Variants in PTPRZ1 observed in about 807,000 individuals in gnomAD.
The protein encoded by PTPRZ1 is receptor-type tyrosine-protein phosphatase zeta.
A neutral mutation model predicts 214.1 loss-of-function variants in PTPRZ1; 82 were observed. That is an observed-to-expected ratio of 0.38 (90% confidence interval 0.32 to 0.46). The LOEUF is 0.46. Among genes scored for constraint, PTPRZ1 ranks in the 20% least tolerant of loss-of-function variants. The pLI, the probability that PTPRZ1 is intolerant of heterozygous loss-of-function variation, is 1.00. For missense variants in PTPRZ1, 2,603 were observed against 2,748.7 expected, an observed-to-expected ratio of 0.95 and a Z score of 1.19; for synonymous variants, 945 against 987.9, an observed-to-expected ratio of 0.96 and a Z score of 0.81.
Position 122,031,529 on chromosome 7 carries a change from T to A in PTPRZ1, c.5136T>A (p.His1712Gln), listed in dbSNP as rs1295257545. 1.9e-6 allele frequency: 3 copies of A among 1,610,402 alleles called. No homozygotes were observed. The highest frequency in any genetic ancestry group is 1.3e-5 in the African/African-American group (1 of 74,840). ...TTCCAAAGCATGTTGCAGATTTACA[T>A]GCAAGTAGTGGGTTTACTGAAGAAT... ...KHFPKHVADL[H>Q]ASSGFTEEFE... Residue 1712 changes from histidine (H) to glutamine (Q), a missense_variant, in exon 15 of 30, where the codon CAT (histidine) becomes CAA (glutamine). His to Gln is a conservative substitution (Grantham distance 24). Around this residue, in one of 6 missense-constraint regions of PTPRZ1, gnomAD observed 1,913 missense variants for 1,914.3 expected, o/e 1.00. Coordinates refer to ENST00000393386, the MANE Select transcript of PTPRZ1 (RefSeq NM_002851.3).
intron 1 of PTPRZ1, among the ~76,000 whole-genome samples, chr7:121,924,407 G>T (rs1795694467): frequency 6.6e-6 from 1 of 152,002 alleles, no homozygotes; most frequent in African/African-American, 2.4e-5. Context: ...TTAAAGTGGG[G>T]TACTCTCTCA....
intron 23 of PTPRZ1, 75 bp from the exon 24 acceptor site, chr7:122,051,353 G>A (rs1792176862): frequency 1.1e-6 from 1 of 940,624 alleles, no homozygotes; most frequent in Non-Finnish European, 1.7e-6. Context: ...GTGTGTGTCT[G>A]TATGTATGTG....
intron 1 of PTPRZ1, among the ~76,000 whole-genome samples, chr7:121,917,123 C>A (rs1452378347): frequency 1.3e-5 from 2 of 152,014 alleles, no homozygotes; most frequent in Non-Finnish European, 2.9e-5. Context: ...CTGTACAATA[C>A]AAGGAAATAA....
chr7:121,955,619 CT>C (rs1358956204), intron 2 of PTPRZ1, among the ~76,000 whole-genome samples: 5 of 152,174 alleles, frequency 3.3e-5, no homozygotes, highest in African/African-American at 1.2e-4. Context: ...ACAGCAAGAG[CT>C]ACAGAAAAGT....
chr7:121,916,272 C>CAAAAA (rs59701928), intron 1 of PTPRZ1, among the ~76,000 whole-genome samples: 1 of 109,720 alleles, frequency 9.1e-6, no homozygotes, highest in African/African-American at 3.3e-5. Flanking sequence ...GACTCCATCT[C>CAAAAA]AAAAAAAAAA....
At position 122,012,068 on chromosome 7, in the gene PTPRZ1, C is replaced by A; in HGVS notation, c.3022C>A (p.Pro1008Thr). 6.2e-7 allele frequency: 1 copy of A among 1,614,210 alleles called. No individual in the cohort carries two copies. The highest frequency in any genetic ancestry group is 8.5e-7 in the Non-Finnish European group (1 of 1,180,026). ...GASSDSEFLLPDTDGLTALNI... is the reference protein window; with the variant it reads ...GASSDSEFLLTDTDGLTALNI... ...CTCTTCTGATAGTGAATTTCTTTTA[C>A]CTGACACAGATGGGCTGACAGCCCT... Residue 1008 changes from proline (P) to threonine (T), a missense_variant, in exon 12 of 30, where the codon CCT (proline) becomes ACT (threonine). By Grantham distance (38) the Pro-to-Thr change is conservative. Transcript: ENST00000393386.
intron 1 of PTPRZ1, among the ~76,000 whole-genome samples, chr7:121,926,791 T>C (rs1401410910): frequency 6.6e-6 from 1 of 152,206 alleles, no homozygotes; most frequent in Non-Finnish European, 1.5e-5. Flanking sequence ...GGATGAATTG[T>C]GTGATACGTA....
At chr7:121,908,369 G>T in intron 1 of PTPRZ1, 3 of 245,968 alleles carry the variant, frequency 1.2e-5, no homozygotes, top group Middle Eastern at 1.1e-3. Context: ...CTTTGGAAAA[G>T]AATATCAACT....
intron 12 of PTPRZ1, among the ~76,000 whole-genome samples, chr7:122,017,774 G>A (rs1798889110): frequency 6.6e-6 from 1 of 151,710 alleles, no homozygotes; most frequent in African/African-American, 2.4e-5. Context: ...GTTTCACCAT[G>A]TTGGCCAGGC....
intron 17 of PTPRZ1, 84 bp downstream of exon 17, chr7:122,034,462 G>T: frequency 7.9e-7 from 1 of 1,259,460 alleles, no homozygotes. Context: ...TCATCTGAGA[G>T]CTGACCTTAG....
intron 2 of PTPRZ1, among the ~76,000 whole-genome samples, chr7:121,961,228 G>A (rs559459420): frequency 2.0e-5 from 3 of 152,188 alleles, no homozygotes; most frequent in Admixed American, 1.3e-4. Flanking sequence ...AAGCCTCCCT[G>A]CCTCTCACTG....
chr7:122,025,670 G>T (rs976635227), intron 13 of PTPRZ1, among the ~76,000 whole-genome samples: 4 of 152,112 alleles, frequency 2.6e-5, no homozygotes, highest in African/African-American at 9.7e-5. Context: ...TAGAAATTTG[G>T]GTTAGGTGCA....
intron 1 of PTPRZ1, among the ~76,000 whole-genome samples, chr7:121,879,118 G>C (rs560241198): frequency 6.6e-6 from 1 of 152,182 alleles, no homozygotes; most frequent in Non-Finnish European, 1.5e-5. Flanking sequence ...ATTAATGCCT[G>C]TACAAGCATT....
chr7:122,047,133 T>G lies in PTPRZ1; in HGVS notation c.6084+2565T>G, dbSNP rs936321484. Among the ~76,000 whole-genome samples, 7 of 152,164 alleles carry G rather than the reference T, an allele frequency of 4.6e-5. No individual in the cohort carries two copies. In the South Asian group the frequency reaches 1.2e-3, roughly 27 times the overall value. On this transcript the variant is annotated intron_variant, in intron 23 of 29. Transcript: ENST00000393386. ...AATGACAAATCAAGTATGTTGGGAATGGAGGAGGCCGTTGGATTTAGACAG... is the reference window on the plus strand; with the variant it reads ...AATGACAAATCAAGTATGTTGGGAAGGGAGGAGGCCGTTGGATTTAGACAG...
chr7:121,948,202 G>C (rs1796443357), intron 2 of PTPRZ1, among the ~76,000 whole-genome samples: 1 of 152,150 alleles, frequency 6.6e-6, no homozygotes, highest in South Asian at 2.1e-4. Flanking sequence ...AGTATCACCT[G>C]TCTGTTAACA....
At chr7:121,951,951 A>ATTTTTTTTTTTTT (rs1273271925) in intron 2 of PTPRZ1, among the ~76,000 whole-genome samples, 1 of 50,506 alleles carries the variant, frequency 2.0e-5, no homozygotes, top group Non-Finnish European at 5.1e-5. Flanking sequence ...ATGCGAGTGT[A>ATTTTTTTTTTTTT]TTTATTTATT....
At chr7:121,875,533 G>T (rs1176035771) in intron 1 of PTPRZ1, among the ~76,000 whole-genome samples, 5 of 152,182 alleles carry the variant, frequency 3.3e-5, no homozygotes, top group Non-Finnish European at 7.4e-5. Flanking sequence ...AGTCTTTGGT[G>T]ATGTAAAATT....
intron 16 of PTPRZ1, 69 bp from the exon 17 acceptor site, chr7:122,034,213 T>G: frequency 6.4e-7 from 1 of 1,570,182 alleles, no homozygotes; most frequent in Non-Finnish European, 8.7e-7. Context: ...TTTGTCTTCG[T>G]TATTATATTT....
chr7:121,927,743 A>G (rs1795806096), intron 1 of PTPRZ1, among the ~76,000 whole-genome samples: 2 of 152,218 alleles, frequency 1.3e-5, no homozygotes, highest in South Asian at 2.1e-4. Flanking sequence ...GCATTTTCAG[A>G]TAAAACTTGG....
Sources: allele counts gnomAD v4.1 joint callset (sites outside exome capture counted in the v4.1 genomes callset), GRCh38; gene constraint gnomAD v4.1.1; regional missense constraint gnomAD v4.1.1; transcripts MANE v1.5; gene names NCBI Gene and HGNC (gene_info 2026-07-23, HGNC 2026-07-21).